Variants in E4F1 observed in about 807,000 individuals in gnomAD.
E4F1 encodes E4F transcription factor 1, also known as transcription factor E4F1.
E4F1 carries 30 observed loss-of-function variants against 72.9 expected under a neutral mutation model. That is an observed-to-expected ratio of 0.41 (90% CI 0.31 to 0.56). The LOEUF is 0.56. Ranked by LOEUF, E4F1 falls within the 20% of genes least tolerant of loss-of-function variation. The probability of loss-of-function intolerance (pLI) is 0.25; values close to 1 mark genes in which losing one functional copy is unlikely to be tolerated. For synonymous variants in E4F1, 542 were observed against 478.2 expected (o/e 1.13, Z -1.74); for missense variants, 1,091 against 1,117.5 (o/e 0.98, Z 0.34).
intron 1 of E4F1, among the ~76,000 whole-genome samples, chr16:2,227,540 TTTTTTGCA>T (rs2093439270): frequency 1.3e-5 from 2 of 151,924 alleles, no homozygotes; most frequent in African/African-American, 4.8e-5. Flanking sequence ...CCTGGCTAAG[TTTTTTGCA>T]TTTTTAGTAG....
At chr16:2,233,306 G>T (rs370693095) in intron 7 of E4F1, 123 bp downstream of exon 7, 1 of 1,452,504 alleles carries the variant, frequency 6.9e-7, no homozygotes. Flanking sequence ...TTCCCACAGG[G>T]AGAGCAGGGC....
At chr16:2,227,614 C>T (rs991175510) in intron 1 of E4F1, among the ~76,000 whole-genome samples, 2 of 152,000 alleles carry the variant, frequency 1.3e-5, no homozygotes, top group Admixed American at 6.6e-5. Context: ...CCTCATGATC[C>T]GCCCGCTTCA....
In E4F1 at chr16:2,229,674, T is replaced by C. The variant is rs759192749; in HGVS notation, c.414T>C (p.Val138=). ...AADISHASDL[V]GGGHIKEVIV... ...ACATCAGCCACGCATCTGACCTTGT[T>C]GGTAAGCCGACTTCCATGAATCGCT... Residue 138 remains valine (V), a splice_region_variant and synonymous_variant, in exon 3 of 14, where the codon GTT becomes GTC. Coordinates refer to ENST00000301727, the MANE Select transcript of E4F1 (RefSeq NM_004424.5). The C allele has an allele frequency of 1.7e-5, 27 of 1,612,622 alleles. 1 individual carries two copies. The South Asian group carries it at 2.6e-4, about 16-fold the overall frequency.
rs755569656 is a variant in E4F1, at chr16:2,234,403, G to A, written c.1593+15G>A. On this transcript the variant is annotated intron_variant, in intron 10 of 13. Transcript: ENST00000301727. The stretch of plus-strand genomic sequence containing the variant: ...ACAAGACTAAGGTGGGTCTCTGGCC[G>A]CAGGACCCTGGCGCCTGATCCCCCC... 44 of 1,611,642 alleles carry A rather than the reference G, an allele frequency of 2.7e-5. No individual in the cohort carries two copies. The highest frequency in any genetic ancestry group is 6.7e-5 in the East Asian group (3 of 44,878).
In E4F1 at chr16:2,233,731, G is replaced by A. The variant is rs570075736; in HGVS notation, c.1266+84G>A. 4.4e-5 allele frequency: 64 copies of A among 1,467,740 alleles called. No homozygotes were observed. The African/African-American group carries it at 8.4e-4, about 19-fold the overall frequency. The allele number at this position is 1,467,740 out of a possible 1,614,324, so 90.9% of individuals were successfully genotyped here. A position where few individuals can be genotyped will look rare whatever the true frequency, so the allele number is the denominator to read the frequency against. On this transcript the variant is annotated intron_variant, in intron 8 of 13. Transcript: ENST00000301727. The stretch of plus-strand genomic sequence containing the variant: ...ACGCTGGCCTTCGCCTCCCTGAAGT[G>A]GCTTTCTGCAGTGACTTTGTCCATT...
chr16:2,233,249 C>T, intron 7 of E4F1, 66 bp downstream of exon 7: 2 of 1,531,352 alleles, frequency 1.3e-6, no homozygotes. Context: ...AGTCTTTGTT[C>T]TGGGCACTGG....
intron 8 of E4F1, 34 bp from the exon 9 acceptor site, chr16:2,233,848 C>T: frequency 6.5e-7 from 1 of 1,536,832 alleles, no homozygotes; most frequent in South Asian, 1.2e-5. Context: ...CACAGCCTGC[C>T]CCGGGTGCTG....
At position 2,234,211 on chromosome 16, in the gene E4F1, C is replaced by T; in HGVS notation, c.1416C>T (p.Phe472=). 1 of 1,612,702 alleles carries T rather than the reference C, an allele frequency of 6.2e-7. No individual in the cohort carries two copies. Among genetic ancestry groups the T allele is most frequent in the Non-Finnish European group, 8.5e-7 (1 of 1,179,924 alleles). The change falls in exon 10 of 14, where the codon TTC becomes TTT. Residue 472 remains phenylalanine (F), a synonymous_variant. Coordinates refer to ENST00000301727, the MANE Select transcript of E4F1 (RefSeq NM_004424.5). The part of the protein sequence containing the change: ...PFACAQCGKA[F]PKAYLLKKHQ... ...CCTGCGCGCAGTGTGGCAAGGCCTT[C>T]CCCAAGGCCTACCTGCTCAAGAAGC...
In E4F1 at chr16:2,224,032, C is replaced by A. The variant is rs1038073913; in HGVS notation, c.157+262C>A. On this transcript the variant is annotated intron_variant, in intron 1 of 13. Transcript: ENST00000301727. ...GCGGGTTGCTGAGCCCCCGGGCGCC[C>A]GGTGTAGACATTCGCAGACGCCGGC... is the stretch of plus-strand genomic sequence containing the variant. The A allele has an allele frequency of 6.0e-6, 8 of 1,343,308 alleles. No individual in the cohort carries two copies. In the African/African-American group the frequency reaches 1.1e-4, roughly 18 times the overall value. 83.2% of individuals were successfully genotyped at this position (1,343,308 alleles called of 1,614,324 possible).
chr16:2,227,363 C>G (rs140454954), intron 1 of E4F1, among the ~76,000 whole-genome samples: 1 of 152,064 alleles, frequency 6.6e-6, no homozygotes, highest in East Asian at 1.9e-4. Context: ...GCATGCGCCA[C>G]CAAGCCTGGC....
In E4F1 at chr16:2,229,617, C is replaced by T. The variant is rs767305927; in HGVS notation, c.357C>T (p.His119=). 2 of 1,612,844 alleles carry T rather than the reference C, an allele frequency of 1.2e-6. No homozygotes were observed. The highest frequency in any genetic ancestry group is 1.7e-5 in the Admixed American group (1 of 60,032). ...PGPEEPITVA[H]IVVEAASLAA... is the part of the protein sequence containing the mutation. ...CAGAGGAGCCCATCACTGTGGCCCA[C>T]ATCGTGGTGGAGGCGGCCTCTCTGG... is the stretch of plus-strand genomic sequence containing the variant. Residue 119 remains histidine (H), a synonymous_variant, in exon 3 of 14, where the codon CAC becomes CAT. Transcript: ENST00000301727.
At position 2,234,777 on chromosome 16, in the gene E4F1, C is replaced by G. The variant is rs1288228820; in HGVS notation, c.1788C>G (p.Thr596=). The G allele has an allele frequency of 1.4e-6, 2 of 1,431,102 alleles. No homozygotes were observed. Among genetic ancestry groups the G allele is most frequent in the Non-Finnish European group, 1.9e-6 (2 of 1,064,420 alleles). 88.7% of individuals were successfully genotyped at this position (1,431,102 alleles called of 1,614,324 possible). Residue 596 remains threonine (T), a synonymous_variant, in exon 11 of 14, where the codon ACC becomes ACG. Coordinates refer to ENST00000301727, the MANE Select transcript of E4F1 (RefSeq NM_004424.5). ...GCACGCTGAACCGGCACCTGCGCAC[C>G]AAAGGTCTGGGCCGGTGGAGGTGGG... The part of the protein sequence containing the change: ...EHGTLNRHLR[T]KGGCLLEVEE...
At position 2,229,621 on chromosome 16, in the gene E4F1, G is replaced by C. The variant is rs756118944; in HGVS notation, c.361G>C (p.Val121Leu). The C allele has an allele frequency of 6.2e-7, 1 of 1,612,894 alleles. No homozygotes were observed. The highest frequency in any genetic ancestry group is 1.3e-5 in the African/African-American group (1 of 75,076). Residue 121 changes from valine (V) to leucine (L), a missense_variant, in exon 3 of 14, where the codon GTG becomes CTG. Around this residue, in one of 5 missense-constraint regions of E4F1, gnomAD observed 362 missense variants for 358.6 expected, o/e 1.01. Transcript: ENST00000301727. Reference sequence around the variant, plus strand: ...GGAGCCCATCACTGTGGCCCACATCGTGGTGGAGGCGGCCTCTCTGGCAGC... The same window carrying C: ...GGAGCCCATCACTGTGGCCCACATCCTGGTGGAGGCGGCCTCTCTGGCAGC... ...PEEPITVAHI[V>L]VEAASLAADI...
chr16:2,224,038 A>G (rs555318087), intron 1 of E4F1: 3 of 1,257,984 alleles, frequency 2.4e-6, no homozygotes, highest in South Asian at 3.2e-5. Context: ...CGCCCGGTGT[A>G]GACATTCGCA....
Position 2,235,288 on chromosome 16 carries a change from C to T in E4F1, c.2071C>T (p.Gln691Ter). 6.2e-7 allele frequency: 1 copy of T among 1,611,432 alleles called. No homozygotes were observed. The change falls in exon 14 of 14, where the codon CAG becomes TAG. Residue 691 changes from glutamine to a stop codon, truncating the protein, a stop_gained. Transcript: ENST00000301727. LOFTEE classifies it high-confidence loss of function. ...QASAGHQIIVQNVTMDEETAL... is the reference protein window; with the variant it reads ...QASAGHQIIV ...TAGCGCCGGCCACCAGATCATCGTGCAGAACGTCACCATGGACGAGGAGAC... is the reference window on the plus strand; with the variant it reads ...TAGCGCCGGCCACCAGATCATCGTGTAGAACGTCACCATGGACGAGGAGAC...
intron 5 of E4F1, 22 bp from the exon 6 acceptor site, chr16:2,232,734 G>T: frequency 6.2e-7 from 1 of 1,612,596 alleles, no homozygotes. Flanking sequence ...GCTGCCCGGG[G>T]CTGACTAGGT....
chr16:2,229,347 C>T lies in E4F1; in HGVS notation c.310-223C>T, dbSNP rs540895897. On this transcript the variant is annotated intron_variant, in intron 2 of 13. Transcript: ENST00000301727. ...CACGTGGCCAGAGGTGTGAGAGTGA[C>T]GGCGCTGACCCTGGCCCGGGGGTGA... Among the ~76,000 whole-genome samples, 7 of 151,410 alleles carry T rather than the reference C, an allele frequency of 4.6e-5. No individual in the cohort carries two copies. The South Asian group carries it at 6.2e-4, about 13-fold the overall frequency.
At chr16:2,225,232 T>C (rs1366497624) in intron 1 of E4F1, among the ~76,000 whole-genome samples, 2 of 151,896 alleles carry the variant, frequency 1.3e-5, no homozygotes, top group Non-Finnish European at 2.9e-5. Flanking sequence ...AAAGATTGTG[T>C]GTCATGTGCC....
At chr16:2,229,739 C>A in intron 3 of E4F1, 64 bp downstream of exon 3, 1 of 1,549,490 alleles carries the variant, frequency 6.5e-7, no homozygotes, top group Non-Finnish European at 8.9e-7. Context: ...GAGGATGGGG[C>A]CCCTGCTGCC....
Sources: gnomAD v4.1 joint callset for allele counts (sites outside exome capture counted in the v4.1 genomes callset) on GRCh38, gnomAD v4.1.1 for gene constraint, gnomAD v4.1.1 regional missense constraint, MANE v1.5 for transcripts, NCBI Gene and HGNC (gene_info 2026-07-23, HGNC 2026-07-21) for gene names.